The following SNAP47 variants were observed in gnomAD, a reference collection of about 807,000 sequenced individuals.
SNAP47 encodes synaptosome associated protein 47.
In SNAP47, 20 loss-of-function variants were observed where a neutral mutation model predicts 31.4. The ratio of observed to expected loss-of-function variants is 0.64; its 90% CI spans 0.45 to 0.93. The LOEUF (loss-of-function observed/expected upper bound fraction) is 0.93. Among genes scored for constraint, SNAP47 ranks in the 40% least tolerant of loss-of-function variants. The pLI is 0.00. For synonymous variants in SNAP47, 194 were observed against 213.4 expected (o/e 0.91, Z 0.79); for missense variants, 492 against 528.5 (o/e 0.93, Z 0.68).
chr1:227,756,003 C>G (rs1662673686), intron 2 of SNAP47, among the ~76,000 whole-genome samples: 1 of 152,254 alleles, frequency 6.6e-6, no homozygotes, highest in African/African-American at 2.4e-5. Flanking sequence ...GTTGTCCTGT[C>G]TTTCCAGACT....
In SNAP47 at chr1:227,762,287, C is replaced by T. The variant is rs988956100; in HGVS notation, c.988+2802C>T. On this transcript the variant is annotated intron_variant, in intron 3 of 4. Coordinates refer to ENST00000617596, the MANE Select transcript of SNAP47 (RefSeq NM_053052.4). This position sits in a 1 kb window ranked among gnomAD's most constrained non-coding sequence, Gnocchi z 4.2. ...GCTGGTCTCATGGGGGCAGCTGTGC[C>T]TCCAGAGGGTGTTCTTGAAGAGGCT... 2.0e-5 allele frequency among the ~76,000 whole-genome samples: 3 copies of T among 152,224 alleles called. No homozygotes were observed. Among genetic ancestry groups the T allele is most frequent in the African/African-American group, 4.8e-5 (2 of 41,460 alleles).
intron 1 of SNAP47, among the ~76,000 whole-genome samples, chr1:227,740,689 T>C (rs1262203727): frequency 6.6e-6 from 1 of 152,068 alleles, no homozygotes; most frequent in Non-Finnish European, 1.5e-5. Flanking sequence ...GCCAGGTCAG[T>C]GATGTGGTCT....
chr1:227,757,383 T>A (rs1170941246), intron 2 of SNAP47, among the ~76,000 whole-genome samples: 1 of 152,240 alleles, frequency 6.6e-6, no homozygotes, highest in Non-Finnish European at 1.5e-5. Flanking sequence ...ATCCATCTAC[T>A]GCATCAAAAA....
rs202199394 is a variant in SNAP47, at chr1:227,780,586, C to T, written c.1173C>T (p.Asp391=). The change falls in exon 5 of 5, where the codon GAC becomes GAT. Residue 391 remains aspartate (D), a synonymous_variant. Coordinates refer to ENST00000617596, the MANE Select transcript of SNAP47 (RefSeq NM_053052.4). ...CCGAGAGTGAGCTGGAGAGACAAGACGAAGCCCTGGATGGCGTTGCAGCAG... is the reference window on the plus strand; with the variant it reads ...CCGAGAGTGAGCTGGAGAGACAAGATGAAGCCCTGGATGGCGTTGCAGCAG... ...LEAESELERQ[D]EALDGVAAAV... is the part of the protein sequence containing the mutation. The T allele has an allele frequency of 1.4e-5, 22 of 1,614,178 alleles. No homozygotes were observed. In the East Asian group the frequency reaches 2.2e-4, roughly 16 times the overall value.
At chr1:227,738,495 TAC>T (rs1661384245) in intron 1 of SNAP47, among the ~76,000 whole-genome samples, 2 of 152,292 alleles carry the variant, frequency 1.3e-5, no homozygotes, top group South Asian at 2.1e-4. Context: ...CACTCACACA[TAC>T]ACAGTCTCTT....
rs563857579 is a variant in SNAP47, at chr1:227,766,285, AAAC to A, written c.989-669_989-667del. ...GGAGCTGCGTGTGCTGCAGAAGAGCAAACAACATTGCGCCCTTATCTGGGCCCC... is the reference window on the plus strand; with the variant it reads ...GGAGCTGCGTGTGCTGCAGAAGAGCAAACATTGCGCCCTTATCTGGGCCCC... On this transcript the variant is annotated intron_variant, in intron 3 of 4. Transcript: ENST00000617596. Among the ~76,000 whole-genome samples the A allele has an allele frequency of 1.2e-4, 18 of 152,346 alleles. No homozygotes were observed. In the East Asian group the frequency reaches 2.9e-3, roughly 25 times the overall value.
chr1:227,733,179 G>C (rs1660788315), upstream of SNAP47: 1 of 959,352 alleles, frequency 1.0e-6, no homozygotes, highest in Non-Finnish European at 1.5e-6. Context: ...CAGCAGGGAA[G>C]TGGGTGGCGG....
chr1:227,732,383 C>T (rs375100252), upstream of SNAP47: 72 of 1,611,068 alleles, frequency 4.5e-5, no homozygotes, highest in Admixed American at 6.7e-5. Flanking sequence ...TCTATCCTCA[C>T]GACAGGTGCT....
At chr1:227,776,635 T>C (rs1390745608) in intron 4 of SNAP47, 3 of 985,400 alleles carry the variant, frequency 3.0e-6, no homozygotes, top group Non-Finnish European at 3.6e-6. Context: ...CCCTGTTATG[T>C]GGAATGCACA....
intron 4 of SNAP47, chr1:227,775,713 T>G: frequency 7.8e-7 from 1 of 1,280,876 alleles, no homozygotes; most frequent in Non-Finnish European, 1.0e-6. Context: ...AGGCTATTTT[T>G]CTATATTTAT....
At chr1:227,735,302 C>T (rs572884658), upstream of SNAP47, 4 of 1,604,380 alleles carry the variant, frequency 2.5e-6, no homozygotes, top group African/African-American at 5.4e-5. Context: ...AAGGACCCTC[C>T]TCCTCACTTC....
chr1:227,776,022 T>G, intron 4 of SNAP47: 1 of 1,209,804 alleles, frequency 8.3e-7, no homozygotes, highest in Non-Finnish European at 1.1e-6. Flanking sequence ...TGGGGGACCA[T>G]GGCCATAAGC....
chr1:227,776,095 C>T, intron 4 of SNAP47: 1 of 1,182,782 alleles, frequency 8.5e-7, no homozygotes, highest in Non-Finnish European at 1.1e-6. Flanking sequence ...TGCTGCCTGC[C>T]TGAGTCACCC....
chr1:227,728,291 A>G (rs964940968), upstream of SNAP47, among the ~76,000 whole-genome samples: 4 of 152,082 alleles, frequency 2.6e-5, no homozygotes, highest in African/African-American at 9.7e-5. Flanking sequence ...AAGGGTAGGG[A>G]AGGGTTGTTA....
chr1:227,779,328 C>T (rs532724248), intron 4 of SNAP47, among the ~76,000 whole-genome samples: 1 of 152,312 alleles, frequency 6.6e-6, no homozygotes, highest in East Asian at 1.9e-4. Context: ...TGCTGGGGAG[C>T]ACTGAATCAC....
intron 2 of SNAP47, among the ~76,000 whole-genome samples, chr1:227,752,528 C>T (rs540979624): frequency 6.6e-6 from 1 of 152,274 alleles, no homozygotes; most frequent in Middle Eastern, 3.4e-3. Context: ...GCATAATGTG[C>T]TCCAGGTCTG....
chr1:227,755,227 AG>A (rs112976398), intron 2 of SNAP47, among the ~76,000 whole-genome samples: 15,212 of 152,128 alleles, frequency 0.1, 817 homozygotes, highest in Middle Eastern at 0.21. Flanking sequence ...TTTTTGAGAC[AG>A]GATCTTACTC....
intron 4 of SNAP47, among the ~76,000 whole-genome samples, chr1:227,767,706 A>G (rs1663527659): frequency 6.6e-6 from 1 of 151,898 alleles, no homozygotes; most frequent in South Asian, 2.1e-4. Context: ...TGGAGCGTGC[A>G]TGTACTGTAC....
chr1:227,735,825 C>T (rs1661101284), intron 1 of SNAP47: 1 of 707,190 alleles, frequency 1.4e-6, no homozygotes, highest in Non-Finnish European at 1.7e-6. Context: ...CTGGAGAGGA[C>T]GGTGGCACTT....
Sources: gnomAD v4.1 joint callset for allele counts (sites outside exome capture counted in the v4.1 genomes callset) on GRCh38, gnomAD v4.1.1 for gene constraint, Gnocchi (gnomAD v3.1) non-coding constraint, MANE v1.5 for transcripts, NCBI Gene and HGNC (gene_info 2026-07-23, HGNC 2026-07-21) for gene names.